Variants in ENG observed in about 807,000 individuals in gnomAD.
The protein encoded by ENG is endoglin.
A neutral mutation model predicts 71.0 loss-of-function variants in ENG; 17 were observed. That is an observed-to-expected ratio of 0.24 (90% confidence interval 0.16 to 0.36). ENG has a LOEUF of 0.36. ENG is among the 10% of genes least tolerant of loss of function. The probability of loss-of-function intolerance (pLI) is 1.00; values close to 1 mark genes in which losing one functional copy is unlikely to be tolerated. For missense variants in ENG, 749 were observed against 868.3 expected, an observed-to-expected ratio of 0.86 and a Z score of 1.73; for synonymous variants, 360 against 366.9, an observed-to-expected ratio of 0.98 and a Z score of 0.21.
rs1354414020 is a variant in ENG, at chr9:127,815,733, G to A, written c.1926C>T (p.His642=). ...PASSESSSTN[H]SIGSTQSTPC... ...GGGTGCTCTGGGTGCTCCCGATGCT[G>A]TGGTTGGTGCTGCTGCTCTCCGAGG... The change falls in exon 15 of 15, where the codon CAC becomes CAT. Residue 642 remains histidine (H), a synonymous_variant. Coordinates refer to ENST00000373203, the MANE Select transcript of ENG (RefSeq NM_001114753.3). The A allele has an allele frequency of 6.4e-7, 1 of 1,558,100 alleles. No homozygotes were observed. Among genetic ancestry groups the A allele is most frequent in the Admixed American group, 1.9e-5 (1 of 52,996 alleles).
intron 1 of ENG, 40 bp downstream of exon 1, chr9:127,854,249 G>C (rs747784603): frequency 3.2e-6 from 5 of 1,553,868 alleles, no homozygotes; most frequent in Non-Finnish European, 4.4e-6. Context: ...TCCGTGCACC[G>C]GAGGCCGAGT....
intron 1 of ENG, among the ~76,000 whole-genome samples, chr9:127,844,260 G>C (rs1388857440): frequency 6.6e-6 from 1 of 151,626 alleles, no homozygotes; most frequent in Admixed American, 6.6e-5. Context: ...CGAGCAGCTA[G>C]GATTACAGGC....
At chr9:127,817,831 A>C in intron 12 of ENG, 1 of 541,888 alleles carries the variant, frequency 1.8e-6, no homozygotes, top group Non-Finnish European at 3.3e-6. Context: ...CCTGGGTGGG[A>C]GGGTGGATGG....
chr9:127,843,944 T>C (rs1463392126), intron 1 of ENG, among the ~76,000 whole-genome samples: 1 of 146,962 alleles, frequency 6.8e-6, no homozygotes, highest in African/African-American at 2.5e-5. Context: ...GCTAATTTTG[T>C]ATTTTTAGTA....
chr9:127,843,596 T>C (rs1018321642), intron 1 of ENG, among the ~76,000 whole-genome samples: 7 of 150,894 alleles, frequency 4.6e-5, no homozygotes, highest in Admixed American at 4.0e-4. Flanking sequence ...TCATTGTTTA[T>C]CTGAAATTCG....
intron 1 of ENG, among the ~76,000 whole-genome samples, chr9:127,852,324 C>A (rs1453873575): frequency 6.6e-6 from 1 of 152,138 alleles, no homozygotes; most frequent in African/African-American, 2.4e-5. Flanking sequence ...ACAAGTGGTG[C>A]CCCCAAATTC....
Position 127,819,921 on chromosome 9 carries a change from T to TG in ENG, c.1250dup (p.Ala418SerfsTer7). On this transcript the variant is annotated frameshift_variant, in exon 9 of 15. Coordinates refer to ENST00000373203, the MANE Select transcript of ENG (RefSeq NM_001114753.3). LOFTEE classifies it high-confidence loss of function. ...TTACCTCATTGCTGATCATACTTGC[T>TG]GACACCTGCATGCCACAGCTGGAGT... 1 of 1,614,260 alleles carries TG rather than the reference T, an allele frequency of 6.2e-7. No individual in the cohort carries two copies. Among genetic ancestry groups the TG allele is most frequent in the Non-Finnish European group, 8.5e-7 (1 of 1,180,048 alleles).
chr9:127,842,553 T>G (rs41373047), intron 2 of ENG, among the ~76,000 whole-genome samples: 3,668 of 152,168 alleles, frequency 0.024, 130 homozygotes, highest in African/African-American at 0.082. Context: ...GCCTCCCAAG[T>G]AGCTGGGATT....
intron 3 of ENG, among the ~76,000 whole-genome samples, chr9:127,827,845 C>T (rs540414340): frequency 3.3e-5 from 5 of 151,904 alleles, no homozygotes; most frequent in Non-Finnish European, 7.4e-5. Flanking sequence ...GTATGAAACA[C>T]TGTCTCTACT....
In ENG at chr9:127,836,087, C is replaced by G. The variant is rs1830895325; in HGVS notation, c.220-6260G>C. ...TCAGGGTTTCTACAGCAAACATTTCCCTCCCCACGGCCCTGACTCACCGCC... is the reference window on the plus strand; with the variant it reads ...TCAGGGTTTCTACAGCAAACATTTCGCTCCCCACGGCCCTGACTCACCGCC... On this transcript the variant is annotated intron_variant, in intron 2 of 14. Coordinates refer to ENST00000373203, the MANE Select transcript of ENG (RefSeq NM_001114753.3). This position sits in a 1 kb window ranked among gnomAD's most constrained non-coding sequence, Gnocchi z 4.0. Among the ~76,000 whole-genome samples, 2 of 152,164 alleles carry G rather than the reference C, an allele frequency of 1.3e-5. No individual in the cohort carries two copies. Among genetic ancestry groups the G allele is most frequent in the Non-Finnish European group, 2.9e-5 (2 of 68,038 alleles).
At position 127,815,702 on chromosome 9, in the gene ENG, A is replaced by T; in HGVS notation, c.1957T>A (p.Ser653Thr). ...SIGSTQSTPC[S>T]TSSMA ...CGGGGCTATGCCATGCTGCTGGTGG[A>T]GCAGGGGGTGCTCTGGGTGCTCCCG... The change falls in exon 15 of 15, where the codon TCC becomes ACC. Residue 653 changes from serine (S) to threonine (T), a missense_variant. Physicochemically the swap from Ser to Thr is moderately conservative, Grantham distance 58. Coordinates refer to ENST00000373203, the MANE Select transcript of ENG (RefSeq NM_001114753.3). The T allele has an allele frequency of 3.8e-6, 6 of 1,564,132 alleles. No homozygotes were observed. Among genetic ancestry groups the T allele is most frequent in the Non-Finnish European group, 5.2e-6 (6 of 1,161,180 alleles).
intron 7 of ENG, 28 bp downstream of exon 7, chr9:127,824,772 A>ATGGG: frequency 8.4e-7 from 1 of 1,188,458 alleles, no homozygotes. Flanking sequence ...AGGGGAAGGG[A>ATGGG]AGGGAGGGGC....
intron 8 of ENG, among the ~76,000 whole-genome samples, chr9:127,820,945 G>A (rs955709051): frequency 3.3e-5 from 5 of 152,190 alleles, no homozygotes; most frequent in East Asian, 1.9e-4. Flanking sequence ...TGGCGTGGGC[G>A]AAGTGTTCCT....
At chr9:127,818,971 T>C (rs2131877503) in intron 10 of ENG, 139 bp from the exon 11 acceptor site, 1 of 743,498 alleles carries the variant, frequency 1.3e-6, no homozygotes, top group East Asian at 2.7e-5. Context: ...GGAGTCTCGC[T>C]CTGTCGCCCA....
At chr9:127,817,050 C>T (rs1830338788) in intron 13 of ENG, 99 bp downstream of exon 13, 2 of 1,394,534 alleles carry the variant, frequency 1.4e-6, no homozygotes, top group Non-Finnish European at 2.0e-6. Flanking sequence ...TCCCCCTTGC[C>T]ATGTGCTATG....
chr9:127,825,597 G>C, intron 5 of ENG, 98 bp downstream of exon 5: 1 of 1,299,044 alleles, frequency 7.7e-7, no homozygotes, highest in South Asian at 1.4e-5. Flanking sequence ...CTGGGACTGG[G>C]GTGGGGCTTT....
chr9:127,832,249 A>G (rs1830784920), intron 2 of ENG, among the ~76,000 whole-genome samples: 1 of 150,880 alleles, frequency 6.6e-6, no homozygotes, highest in Non-Finnish European at 1.5e-5. Context: ...TAATTTTTGT[A>G]TTTTTAGTAG....
intron 8 of ENG, among the ~76,000 whole-genome samples, chr9:127,823,336 T>C (rs564676483): frequency 1.3e-5 from 2 of 151,364 alleles, no homozygotes; most frequent in Admixed American, 6.6e-5. Context: ...CCATGTGTTA[T>C]TTTTATAACA....
Position 127,819,975 on chromosome 9 carries a change from C to G in ENG, c.1197G>C (p.Arg399Ser), listed in dbSNP as rs1418330913. 7 of 1,614,082 alleles carry G rather than the reference C, an allele frequency of 4.3e-6. No homozygotes were observed. The highest frequency in any genetic ancestry group is 5.9e-6 in the Non-Finnish European group (7 of 1,180,044). ...FWDPSCEAED[R>S]GDKFVLRSAY... Reference sequence around the variant, plus strand: ...CACTGCGCAAGACAAACTTGTCACCCCTGTCCTCTGCCTCACAGCTGGGGT... The same window carrying G: ...CACTGCGCAAGACAAACTTGTCACCGCTGTCCTCTGCCTCACAGCTGGGGT... Residue 399 changes from arginine (R) to serine (S), a missense_variant, in exon 9 of 15, where the codon AGG becomes AGC. By Grantham distance (110) the Arg-to-Ser change is moderately radical. Coordinates refer to ENST00000373203, the MANE Select transcript of ENG (RefSeq NM_001114753.3).
Sources: gnomAD v4.1 joint callset for allele counts (sites outside exome capture counted in the v4.1 genomes callset) on GRCh38, gnomAD v4.1.1 for gene constraint, Gnocchi (gnomAD v3.1) non-coding constraint, MANE v1.5 for transcripts, NCBI Gene and HGNC (gene_info 2026-07-23, HGNC 2026-07-21) for gene names.